ADAMTSL3: variants seen among roughly 807,000 people sequenced by gnomAD.
ADAMTSL3 encodes ADAMTS like 3, also known as ADAMTS-like protein 3.
In ADAMTSL3, 128 loss-of-function variants were observed where a neutral mutation model predicts 201.7. The observed-to-expected ratio is 0.63, with a 90% CI of 0.55 to 0.73. ADAMTSL3 has a LOEUF of 0.73. ADAMTSL3 is among the 30% of genes least tolerant of loss of function. The pLI, the probability that ADAMTSL3 is intolerant of heterozygous loss-of-function variation, is 0.00. For synonymous variants in ADAMTSL3, 738 were observed against 748.4 expected (o/e 0.99, Z 0.23); for missense variants, 1,990 against 2,119.6 (o/e 0.94, Z 1.20).
At chr15:83,971,268 G>A (rs755283819) in intron 20 of ADAMTSL3, among the ~76,000 whole-genome samples, 10 of 152,078 alleles carry the variant, frequency 6.6e-5, no homozygotes, top group Non-Finnish European at 1.2e-4. Flanking sequence ...TCATATAAGA[G>A]TTATGTGGGC....
At chr15:83,669,330 G>A (rs149010755) in intron 2 of ADAMTSL3, among the ~76,000 whole-genome samples, 9,784 of 150,992 alleles carry the variant, frequency 0.065, 396 homozygotes, top group Non-Finnish European at 0.097. Flanking sequence ...ATTTTTAGTA[G>A]AGACGGGGTT....
chr15:83,665,615 T>G (rs555436005), intron 2 of ADAMTSL3, among the ~76,000 whole-genome samples: 2 of 152,340 alleles, frequency 1.3e-5, no homozygotes, highest in South Asian at 2.1e-4. Context: ...AGCTAACATC[T>G]TATGGAAACC....
chr15:83,982,039 C>A (rs1320915124), intron 20 of ADAMTSL3, among the ~76,000 whole-genome samples: 3 of 152,208 alleles, frequency 2.0e-5, no homozygotes, highest in African/African-American at 4.8e-5. Context: ...TACACATTTT[C>A]ATGCACCTCA....
chr15:83,903,948 A>AG (rs1567226141), intron 15 of ADAMTSL3, among the ~76,000 whole-genome samples: 1 of 102,412 alleles, frequency 9.8e-6, no homozygotes, highest in African/African-American at 3.3e-5. Context: ...AAAAAAAGAA[A>AG]AAAGAAAGAA....
At chr15:83,942,458 A>T in intron 17 of ADAMTSL3, 138 bp from the exon 18 acceptor site, 1 of 683,436 alleles carries the variant, frequency 1.5e-6, no homozygotes, top group Non-Finnish European at 2.4e-6. Flanking sequence ...ATATTGATGG[A>T]GATGCTGTGA....
At chr15:83,886,705 T>C (rs973083041) in intron 10 of ADAMTSL3, among the ~76,000 whole-genome samples, 1 of 152,144 alleles carries the variant, frequency 6.6e-6, no homozygotes, top group Non-Finnish European at 1.5e-5. Context: ...CGCATATCAA[T>C]TTACTTAGAG....
chr15:83,823,363 A>C (rs1165876767), intron 6 of ADAMTSL3, among the ~76,000 whole-genome samples: 1 of 152,216 alleles, frequency 6.6e-6, no homozygotes, highest in Non-Finnish European at 1.5e-5. Flanking sequence ...AGTGTGGGGC[A>C]CTACCAGGAG....
intron 3 of ADAMTSL3, among the ~76,000 whole-genome samples, chr15:83,768,496 A>G (rs936345984): frequency 6.6e-6 from 1 of 152,168 alleles, no homozygotes; most frequent in East Asian, 1.9e-4. Context: ...TGTATTCTGG[A>G]CCCTACATTT....
chr15:83,704,226 C>G (rs892128169), intron 2 of ADAMTSL3, among the ~76,000 whole-genome samples, 163 bp from the exon 3 acceptor site: 1 of 152,138 alleles, frequency 6.6e-6, no homozygotes, highest in Non-Finnish European at 1.5e-5. Context: ...CCTGACACAC[C>G]TGGTGTGCCT....
intron 20 of ADAMTSL3, among the ~76,000 whole-genome samples, chr15:83,977,717 G>C (rs1237288639): frequency 2.6e-5 from 4 of 152,196 alleles, no homozygotes; most frequent in African/African-American, 9.7e-5. Context: ...TTTGTCACTA[G>C]GGGGCCCTTG....
At chr15:84,028,065 C>G (rs538485675) in intron 27 of ADAMTSL3, among the ~76,000 whole-genome samples, 8 of 152,096 alleles carry the variant, frequency 5.3e-5, no homozygotes, top group Admixed American at 5.2e-4. Flanking sequence ...AAAAAGTAGA[C>G]TAATGGTTGC....
rs116090069 is a variant in ADAMTSL3, at chr15:83,749,864, G to T, written c.190-23659G>T. Among the ~76,000 whole-genome samples, 89 of 152,282 alleles carry T rather than the reference G, an allele frequency of 5.8e-4. 1 individual carries two copies. Among genetic ancestry groups the T allele is most frequent in the African/African-American group, 2.1e-3 (86 of 41,570 alleles). ...AGCTCTTTGTCATTGACTTGACTGT[G>T]TAGGTCTTCCTCTTGGACCTCAATT... On this transcript the variant is annotated intron_variant, in intron 3 of 29. Transcript: ENST00000286744.
intron 2 of ADAMTSL3, among the ~76,000 whole-genome samples, chr15:83,687,977 A>G (rs1268665249): frequency 6.6e-6 from 1 of 152,214 alleles, no homozygotes; most frequent in African/African-American, 2.4e-5. Context: ...AATACCATCT[A>G]ACACAGTGGA....
intron 9 of ADAMTSL3, among the ~76,000 whole-genome samples, chr15:83,873,267 G>A (rs754400994): frequency 1.2e-4 from 17 of 145,236 alleles, no homozygotes; most frequent in Non-Finnish European, 2.4e-4. Flanking sequence ...TCGCACCACT[G>A]CATTCCAGCC....
At chr15:83,765,347 G>A (rs995673745) in intron 3 of ADAMTSL3, among the ~76,000 whole-genome samples, 7 of 152,142 alleles carry the variant, frequency 4.6e-5, no homozygotes, top group East Asian at 1.9e-4. Context: ...AACCTTTGTG[G>A]TAACATTGGA....
At chr15:83,759,620 A>G (rs1196442637) in intron 3 of ADAMTSL3, among the ~76,000 whole-genome samples, 1 of 152,172 alleles carries the variant, frequency 6.6e-6, no homozygotes, top group East Asian at 1.9e-4. Context: ...GAAGATTCGT[A>G]TCCAAGTGAT....
intron 8 of ADAMTSL3, among the ~76,000 whole-genome samples, chr15:83,868,136 C>T (rs997664723): frequency 6.6e-6 from 1 of 152,104 alleles, no homozygotes; most frequent in African/African-American, 2.4e-5. Context: ...GGTGGGGATG[C>T]TTATAGGCTT....
At chr15:84,026,501 T>G (rs2068310721) in intron 27 of ADAMTSL3, among the ~76,000 whole-genome samples, 1 of 152,114 alleles carries the variant, frequency 6.6e-6, no homozygotes, top group Non-Finnish European at 1.5e-5. Flanking sequence ...CAAAACAATT[T>G]TGAAAAGGAA....
intron 3 of ADAMTSL3, among the ~76,000 whole-genome samples, chr15:83,761,559 C>T (rs1303775612): frequency 6.6e-6 from 1 of 151,974 alleles, no homozygotes; most frequent in African/African-American, 2.4e-5. Flanking sequence ...TGTAGTTGTC[C>T]TCAATGGCAT....
Sources: gnomAD v4.1 joint callset for allele counts (sites outside exome capture counted in the v4.1 genomes callset) on GRCh38, gnomAD v4.1.1 for gene constraint, MANE v1.5 for transcripts, NCBI Gene and HGNC (gene_info 2026-07-23, HGNC 2026-07-21) for gene names.